KHDRBS2: variants seen among roughly 807,000 people sequenced by gnomAD.
KHDRBS2 encodes KH RNA binding domain containing, signal transduction associated 2, also known as KH domain-containing, RNA-binding, signal transduction-associated protein 2.
KHDRBS2 carries 26 observed loss-of-function variants against 44.3 expected under a neutral mutation model. The ratio of observed to expected loss-of-function variants is 0.59; its 90% CI spans 0.43 to 0.81. The LOEUF is 0.81. KHDRBS2 is among the 40% of genes least tolerant of loss of function. The pLI, the probability that KHDRBS2 is intolerant of heterozygous loss-of-function variation, is 0.00. For missense variants in KHDRBS2, 476 were observed against 433.1 expected, an observed-to-expected ratio of 1.10 and a Z score of -0.88; for synonymous variants, 194 against 151.1, an observed-to-expected ratio of 1.28 and a Z score of -2.08.
intron 1 of KHDRBS2, among the ~76,000 whole-genome samples, chr6:62,212,861 G>A (rs1198480770): frequency 1.3e-5 from 2 of 151,904 alleles, no homozygotes; most frequent in Non-Finnish European, 2.9e-5. Context: ...GGCAGCCCTA[G>A]CAAACTAATA....
chr6:61,852,475 A>T (rs1795575282), intron 6 of KHDRBS2, among the ~76,000 whole-genome samples: 1 of 151,836 alleles, frequency 6.6e-6, no homozygotes, highest in South Asian at 2.1e-4. Flanking sequence ...GAGGCAGGAG[A>T]ATCATTTGAA....
intron 6 of KHDRBS2, among the ~76,000 whole-genome samples, chr6:61,878,280 C>T (rs1034580635): frequency 6.6e-6 from 1 of 151,954 alleles, no homozygotes; most frequent in African/African-American, 2.4e-5. Context: ...TAATAACCAA[C>T]TTAATTATTA....
At chr6:61,931,754 T>G (rs1562464443) in intron 4 of KHDRBS2, among the ~76,000 whole-genome samples, 1 of 152,116 alleles carries the variant, frequency 6.6e-6, no homozygotes, top group Non-Finnish European at 1.5e-5. Flanking sequence ...GCAGATTTTT[T>G]TTTAAAGAAA....
intron 6 of KHDRBS2, among the ~76,000 whole-genome samples, chr6:61,871,168 C>T (rs1383852833): frequency 6.6e-6 from 1 of 152,104 alleles, no homozygotes; most frequent in African/African-American, 2.4e-5. Flanking sequence ...ACATAAATGA[C>T]CTGATGGAGC....
chr6:61,724,093 G>A (rs778564624), intron 7 of KHDRBS2, among the ~76,000 whole-genome samples: 2 of 152,124 alleles, frequency 1.3e-5, no homozygotes, highest in Non-Finnish European at 2.9e-5. Context: ...GCAAAGCAAA[G>A]CCTATCAGAC....
intron 2 of KHDRBS2, among the ~76,000 whole-genome samples, chr6:62,142,953 T>C (rs1356370444): frequency 6.7e-6 from 1 of 149,308 alleles, no homozygotes; most frequent in African/African-American, 2.6e-5. Flanking sequence ...AATTAATCAA[T>C]ATCCCCATAA....
chr6:61,588,130 A>G, the KHDRBS2 span, among the ~76,000 whole-genome samples: 5 of 152,352 alleles, frequency 3.3e-5, no homozygotes, highest in East Asian at 9.6e-4. Context: ...TTCCATTTCC[A>G]TTTAGTTAAA....
At chr6:61,742,289 A>C (rs967288285) in intron 6 of KHDRBS2, among the ~76,000 whole-genome samples, 8 of 151,994 alleles carry the variant, frequency 5.3e-5, no homozygotes, top group African/African-American at 1.9e-4. Context: ...GATGCATAGA[A>C]TGTCTACTTC....
At chr6:61,750,223 T>TA (rs1777466933) in intron 6 of KHDRBS2, among the ~76,000 whole-genome samples, 1 of 152,200 alleles carries the variant, frequency 6.6e-6, no homozygotes, top group East Asian at 1.9e-4. Flanking sequence ...GTCATTCTTT[T>TA]AAAAGTCTCT....
the KHDRBS2 span, among the ~76,000 whole-genome samples, chr6:61,574,741 T>C: frequency 6.6e-6 from 1 of 151,934 alleles, no homozygotes; most frequent in Non-Finnish European, 1.5e-5. Flanking sequence ...TTGGCCCATC[T>C]CTACTAAAAA....
chr6:61,575,064 A>G, the KHDRBS2 span, among the ~76,000 whole-genome samples: 1 of 152,242 alleles, frequency 6.6e-6, no homozygotes, highest in Non-Finnish European at 1.5e-5. Flanking sequence ...CCAAGAGTTC[A>G]TGACCAAGAA....
At chr6:62,175,566 GT>G (rs1170854857) in intron 2 of KHDRBS2, among the ~76,000 whole-genome samples, 1 of 151,488 alleles carries the variant, frequency 6.6e-6, no homozygotes, top group Non-Finnish European at 1.5e-5. Context: ...TAAAATAAAA[GT>G]TTTATATATT....
chr6:61,758,616 C>G (rs1193461389), intron 6 of KHDRBS2, among the ~76,000 whole-genome samples: 1 of 151,986 alleles, frequency 6.6e-6, no homozygotes, highest in Non-Finnish European at 1.5e-5. Context: ...TGTCCCCCAA[C>G]CTCATTTTAT....
At chr6:61,654,144 A>T in the KHDRBS2 span, among the ~76,000 whole-genome samples, 1 of 151,922 alleles carries the variant, frequency 6.6e-6, no homozygotes, top group Non-Finnish European at 1.5e-5. Context: ...AGATCTGGAG[A>T]CCCTATCATT....
At chr6:61,629,324 C>T in the KHDRBS2 span, among the ~76,000 whole-genome samples, 5 of 152,134 alleles carry the variant, frequency 3.3e-5, no homozygotes, top group Non-Finnish European at 7.4e-5. Context: ...ATGTCCCAAA[C>T]ATCATTTAAG....
At chr6:61,715,570 A>G (rs775293583) in intron 7 of KHDRBS2, among the ~76,000 whole-genome samples, 6 of 152,008 alleles carry the variant, frequency 3.9e-5, no homozygotes, top group Non-Finnish European at 7.4e-5. Context: ...TCAGCCTGGC[A>G]TCAGCTCTTC....
At position 62,270,301 on chromosome 6, in the gene KHDRBS2, C is replaced by T. The variant is rs1392333418; in HGVS notation, c.91+15557G>A. On this transcript the variant is annotated intron_variant, in intron 1 of 8. Coordinates refer to ENST00000281156, the MANE Select transcript of KHDRBS2 (RefSeq NM_152688.4). ...CATCTCTCTCTCTCTCTCTCTCTCT[C>T]CTCTCTCTCTCTCTCTCTCCCCCAC... Among the ~76,000 whole-genome samples the T allele has an allele frequency of 2.8e-4, 38 of 134,200 alleles. 1 individual carries two copies. The highest frequency in any genetic ancestry group is 3.2e-4 in the Non-Finnish European group (20 of 63,478). The allele number at this position is 134,200 out of a possible 152,430, so 88.0% of individuals were successfully genotyped here. A position where few individuals can be genotyped will look rare whatever the true frequency, so the allele number is the denominator to read the frequency against.
At chr6:62,260,503 A>G (rs555569656) in intron 1 of KHDRBS2, among the ~76,000 whole-genome samples, 1 of 152,114 alleles carries the variant, frequency 6.6e-6, no homozygotes, top group East Asian at 1.9e-4. Flanking sequence ...AGTAGTTACC[A>G]ACAAGCCTTT....
At chr6:61,956,125 C>T (rs534474341) in intron 4 of KHDRBS2, among the ~76,000 whole-genome samples, 2 of 151,970 alleles carry the variant, frequency 1.3e-5, no homozygotes, top group African/African-American at 4.8e-5. Context: ...ACCCGGGAGG[C>T]ACAGGCTGCA....
Sources: gnomAD v4.1 joint callset for allele counts (sites outside exome capture counted in the v4.1 genomes callset) on GRCh38, gnomAD v4.1.1 for gene constraint, MANE v1.5 for transcripts, NCBI Gene and HGNC (gene_info 2026-07-23, HGNC 2026-07-21) for gene names.